The following JAKMIP3 variants were observed in gnomAD, a reference collection of about 807,000 sequenced individuals.
JAKMIP3 encodes the protein Janus kinase and microtubule interacting protein 3, also known as janus kinase and microtubule-interacting protein 3.
Under a neutral mutation model 118.5 loss-of-function variants are expected in JAKMIP3, and 58 were observed. The ratio of observed to expected loss-of-function variants is 0.49; its 90% CI spans 0.40 to 0.61. The LOEUF (loss-of-function observed/expected upper bound fraction) is 0.61. JAKMIP3 is among the 20% of genes least tolerant of loss of function. The pLI, the probability that JAKMIP3 is intolerant of heterozygous loss-of-function variation, is 0.00. For synonymous variants in JAKMIP3, 486 were observed against 451.2 expected (o/e 1.08, Z -0.98); for missense variants, 950 against 1,109.0 (o/e 0.86, Z 2.04).
upstream of JAKMIP3, among the ~76,000 whole-genome samples, chr10:132,064,447 C>T (rs1036606044): frequency 3.9e-5 from 6 of 152,132 alleles, no homozygotes; most frequent in Non-Finnish European, 5.9e-5. This position sits in a 1 kb window ranked among gnomAD's most constrained non-coding sequence, Gnocchi z 4.4. Flanking sequence ...CCCGAGCCGC[C>T]GGCATGGGAA....
intron 2 of JAKMIP3, among the ~76,000 whole-genome samples, chr10:132,106,795 CCT>C (rs561319905): frequency 2.0e-5 from 3 of 152,234 alleles, no homozygotes; most frequent in Non-Finnish European, 2.9e-5. Flanking sequence ...TGTCGTCTTC[CCT>C]CTCTGCATTT....
chr10:132,150,341 GCT>G (rs1309344859), intron 16 of JAKMIP3, among the ~76,000 whole-genome samples: 1 of 152,142 alleles, frequency 6.6e-6, no homozygotes, highest in African/African-American at 2.4e-5. Context: ...GGGGGCTGTT[GCT>G]CTTAGACAAA....
intron 1 of JAKMIP3, among the ~76,000 whole-genome samples, chr10:132,093,584 G>C (rs1286661955): frequency 1.3e-5 from 2 of 152,216 alleles, no homozygotes; most frequent in South Asian, 2.1e-4. Context: ...AAGACCGTTG[G>C]AAGAGCACAA....
chr10:132,153,715 G>C lies in JAKMIP3; in HGVS notation c.2074-44G>C, dbSNP rs569341055. Reference sequence around the variant, plus strand: ...CAGCTGTCTCCACGAGCCGGGGTGGGGGACCCTAGGGGTCACTGTCCTGCT... The same window carrying C: ...CAGCTGTCTCCACGAGCCGGGGTGGCGGACCCTAGGGGTCACTGTCCTGCT... On this transcript the variant is annotated intron_variant, in intron 17 of 23. Coordinates refer to ENST00000684848, the MANE Select transcript of JAKMIP3 (RefSeq NM_001323087.2). 6.9e-6 allele frequency: 11 copies of C among 1,598,172 alleles called. No individual in the cohort carries two copies. The East Asian group carries it at 2.5e-4, about 36-fold the overall frequency.
rs574609454 is a variant in JAKMIP3, at chr10:132,168,769, G to A, written c.*839G>A. On this transcript the variant is annotated 3_prime_UTR_variant, in exon 23 of 24. Coordinates refer to ENST00000684848, the MANE Select transcript of JAKMIP3 (RefSeq NM_001323087.2). Reference sequence around the variant, plus strand: ...GAGGGGGCGGAGCTGGCTGGAACACGGATGCCAGAGGCTGCCTCCATAGTG... The same window carrying A: ...GAGGGGGCGGAGCTGGCTGGAACACAGATGCCAGAGGCTGCCTCCATAGTG... 45 of 249,998 alleles carry A rather than the reference G, an allele frequency of 1.8e-4. No homozygotes were observed. The highest frequency in any genetic ancestry group is 8.4e-4 in the Admixed American group (16 of 19,140). 15.5% of individuals were successfully genotyped at this position (249,998 alleles called of 1,614,324 possible). A position where few individuals can be genotyped will look rare whatever the true frequency, so the allele number is the denominator to read the frequency against.
intron 1 of JAKMIP3, among the ~76,000 whole-genome samples, chr10:132,079,379 T>G (rs748991290): frequency 6.6e-6 from 1 of 152,156 alleles, no homozygotes; most frequent in Non-Finnish European, 1.5e-5. Context: ...GTACTTCTGG[T>G]TGTTAGCAGA....
chr10:132,145,229 G>A (rs752728433), intron 12 of JAKMIP3, 39 bp downstream of exon 12: 22 of 1,502,268 alleles, frequency 1.5e-5, no homozygotes, highest in Middle Eastern at 1.7e-4. Flanking sequence ...GGGGGCACAC[G>A]TGGGTGGGAG....
At chr10:132,100,589 C>G (rs376832525) in intron 1 of JAKMIP3, among the ~76,000 whole-genome samples, 4 of 150,674 alleles carry the variant, frequency 2.7e-5, no homozygotes, top group Admixed American at 2.6e-4. Context: ...CAGCCACCCC[C>G]AGGGCCGGAG....
intron 19 of JAKMIP3, among the ~76,000 whole-genome samples, chr10:132,157,434 A>G (rs2057229451): frequency 6.6e-6 from 1 of 152,194 alleles, no homozygotes; most frequent in African/African-American, 2.4e-5. Context: ...CCAGCAAAAC[A>G]GCAATTCCTA....
chr10:132,131,860 T>C (rs1372939451), intron 3 of JAKMIP3, among the ~76,000 whole-genome samples: 1 of 152,038 alleles, frequency 6.6e-6, no homozygotes, highest in Admixed American at 6.5e-5. Flanking sequence ...CACAGCCCCA[T>C]GGGAAGAAGT....
At chr10:132,113,897 CTG>C (rs2047235468) in intron 2 of JAKMIP3, among the ~76,000 whole-genome samples, 1 of 152,214 alleles carries the variant, frequency 6.6e-6, no homozygotes, top group Admixed American at 6.5e-5. Flanking sequence ...GTGTGTGAGC[CTG>C]TGTCATAGAC....
intron 2 of JAKMIP3, among the ~76,000 whole-genome samples, chr10:132,106,520 G>A (rs925573160): frequency 6.6e-6 from 1 of 152,150 alleles, no homozygotes; most frequent in Admixed American, 6.5e-5. Flanking sequence ...GTGGCCTGGA[G>A]GGGGGAGTGT....
chr10:132,166,986 C>G lies in JAKMIP3; in HGVS notation c.2494C>G (p.Leu832Val). 6.5e-7 allele frequency: 1 copy of G among 1,544,682 alleles called. No individual in the cohort carries two copies. The highest frequency in any genetic ancestry group is 1.2e-5 in the South Asian group (1 of 83,904). The change falls in exon 22 of 24, where the codon CTA becomes GTA. Residue 832 changes from leucine (L) to valine (V), a missense_variant. Leu to Val is a conservative substitution (Grantham distance 32). Coordinates refer to ENST00000684848, the MANE Select transcript of JAKMIP3 (RefSeq NM_001323087.2). ...RQIKELEEKF[L>V]FLFLFFSLAF... The stretch of plus-strand genomic sequence containing the variant: ...CATCCTCCCCTTTCCGTTTCAGTTT[C>G]TATTTTTGTTCTTATTTTTCTCCTT...
At chr10:132,113,886 C>T (rs1165955469) in intron 2 of JAKMIP3, among the ~76,000 whole-genome samples, 3 of 152,254 alleles carry the variant, frequency 2.0e-5, no homozygotes, top group Admixed American at 6.5e-5. Context: ...TCCATGGCCA[C>T]GTGTGTGAGC....
intron 23 of JAKMIP3, among the ~76,000 whole-genome samples, chr10:132,180,988 GTGTAT>G (rs1406780464): frequency 1.3e-5 from 2 of 148,682 alleles, no homozygotes; most frequent in Non-Finnish European, 1.5e-5. Flanking sequence ...TGTGTGTGTA[GTGTAT>G]TGTGTGTACA....
At chr10:132,061,441 T>C (rs903001092), upstream of JAKMIP3, among the ~76,000 whole-genome samples, 3 of 152,268 alleles carry the variant, frequency 2.0e-5, no homozygotes, top group Non-Finnish European at 4.4e-5. Context: ...AGATTCAATG[T>C]CAAAGAGATG....
At position 132,147,981 on chromosome 10, in the gene JAKMIP3, G is replaced by A; in HGVS notation, c.1779G>A (p.Arg593=). 6.2e-6 allele frequency: 10 copies of A among 1,610,294 alleles called. No homozygotes were observed. The highest frequency in any genetic ancestry group is 8.5e-6 in the Non-Finnish European group (10 of 1,178,380). Residue 593 remains arginine, a synonymous_variant, in exon 14 of 24, where the codon CGG becomes CGA. Coordinates refer to ENST00000684848, the MANE Select transcript of JAKMIP3 (RefSeq NM_001323087.2). ...KIKQMETEEA[R]LRHEVQDARD... Reference sequence around the variant, plus strand: ...AACAAATGGAGACGGAAGAGGCTCGGCTCAGACACGAGGTGCAGGACGCCA... The same window carrying A: ...AACAAATGGAGACGGAAGAGGCTCGACTCAGACACGAGGTGCAGGACGCCA...
intron 13 of JAKMIP3, among the ~76,000 whole-genome samples, chr10:132,147,606 G>A (rs912254145): frequency 6.6e-6 from 1 of 152,106 alleles, no homozygotes; most frequent in African/African-American, 2.4e-5. Flanking sequence ...CCGTGCTCCT[G>A]GCTTGTGATG....
At chr10:132,107,174 GC>G (rs918725413) in intron 2 of JAKMIP3, among the ~76,000 whole-genome samples, 1 of 152,026 alleles carries the variant, frequency 6.6e-6, no homozygotes, top group Non-Finnish European at 1.5e-5. Context: ...GGATTACAGG[GC>G]TAAGCCATTG....
Sources: gnomAD v4.1 joint callset for allele counts (sites outside exome capture counted in the v4.1 genomes callset) on GRCh38, gnomAD v4.1.1 for gene constraint, Gnocchi (gnomAD v3.1) non-coding constraint, MANE v1.5 for transcripts, NCBI Gene and HGNC (gene_info 2026-07-23, HGNC 2026-07-21) for gene names.